The following PPP1R9A variants were observed in gnomAD, a reference collection of about 807,000 sequenced individuals.
The protein encoded by PPP1R9A is neurabin-1.
A neutral mutation model predicts 141.9 loss-of-function variants in PPP1R9A; 59 were observed. The observed-to-expected ratio is 0.42, with a 90% CI of 0.34 to 0.52. PPP1R9A has a LOEUF of 0.52. Among genes scored for constraint, PPP1R9A ranks in the 20% least tolerant of loss-of-function variants. The pLI is 0.10. For missense variants in PPP1R9A, 1,444 were observed against 1,611.9 expected, an observed-to-expected ratio of 0.90 and a Z score of 1.78; for synonymous variants, 500 against 569.7, an observed-to-expected ratio of 0.88 and a Z score of 1.74.
At chr7:95,002,748 T>C (rs1293789781) in intron 2 of PPP1R9A, among the ~76,000 whole-genome samples, 1 of 152,192 alleles carries the variant, frequency 6.6e-6, no homozygotes, top group African/African-American at 2.4e-5. Context: ...GATTAGTTAA[T>C]TGGATGGCAC....
chr7:95,067,991 ACT>A (rs1432090843), intron 2 of PPP1R9A, among the ~76,000 whole-genome samples: 2 of 136,194 alleles, frequency 1.5e-5, no homozygotes, highest in Non-Finnish European at 2.9e-5. Context: ...CCCTTCACTG[ACT>A]CTCTTTTCGG....
intron 2 of PPP1R9A, among the ~76,000 whole-genome samples, chr7:95,050,666 C>T (rs1162860897): frequency 6.6e-6 from 1 of 152,118 alleles, no homozygotes; most frequent in African/African-American, 2.4e-5. Flanking sequence ...GTGGAGGTTG[C>T]AGTGAGCCAA....
chr7:95,159,039 T>C (rs2152700455), intron 4 of PPP1R9A, among the ~76,000 whole-genome samples: 1 of 152,346 alleles, frequency 6.6e-6, no homozygotes, highest in African/African-American at 2.4e-5. Flanking sequence ...TTTCTGGGTA[T>C]ATATCCTGGA....
In PPP1R9A at chr7:95,129,183, C is replaced by T. The variant is rs570757534; in HGVS notation, c.1649+8351C>T. On this transcript the variant is annotated intron_variant, in intron 4 of 19. Coordinates refer to ENST00000433360, the MANE Select transcript of PPP1R9A (RefSeq NM_001166160.2). Reference sequence around the variant, plus strand: ...GTAGGTGATAGAGTTTGGCTGTGTCCCCACCCAAATCTCATCTTGAATTGT... The same window carrying T: ...GTAGGTGATAGAGTTTGGCTGTGTCTCCACCCAAATCTCATCTTGAATTGT... Among the ~76,000 whole-genome samples, 4 of 152,100 alleles carry T rather than the reference C, an allele frequency of 2.6e-5. No individual in the cohort carries two copies. The South Asian group carries it at 8.3e-4, about 32-fold the overall frequency.
At chr7:95,109,855 A>C (rs1820238671) in intron 2 of PPP1R9A, among the ~76,000 whole-genome samples, 1 of 151,736 alleles carries the variant, frequency 6.6e-6, no homozygotes, top group South Asian at 2.1e-4. Flanking sequence ...AAAAAAGAAG[A>C]AGAAAAGAAA....
intron 19 of PPP1R9A, among the ~76,000 whole-genome samples, chr7:95,289,776 G>A (rs532340190): frequency 5.9e-5 from 9 of 152,206 alleles, no homozygotes; most frequent in East Asian, 3.9e-4. Flanking sequence ...ACCTTTACCC[G>A]TAAATGCCTA....
At chr7:95,157,566 C>T (rs113739593) in intron 4 of PPP1R9A, among the ~76,000 whole-genome samples, 216 of 152,300 alleles carry the variant, frequency 1.4e-3, no homozygotes, top group African/African-American at 5.0e-3. Flanking sequence ...CATGTATCCT[C>T]GGCAGCACCT....
chr7:95,052,092 G>A (rs1479483327), intron 2 of PPP1R9A, among the ~76,000 whole-genome samples: 4 of 152,022 alleles, frequency 2.6e-5, no homozygotes, highest in South Asian at 4.2e-4. Flanking sequence ...CACCTGTCTC[G>A]GCCTCCCAAA....
chr7:95,280,822 CGAG>C (rs1416951309), intron 16 of PPP1R9A, among the ~76,000 whole-genome samples: 2 of 151,136 alleles, frequency 1.3e-5, no homozygotes, highest in African/African-American at 4.9e-5. Context: ...AAGGAAGGAA[CGAG>C]GAGGAGAAGA....
At chr7:94,936,078 C>G (rs540152892) in intron 2 of PPP1R9A, among the ~76,000 whole-genome samples, 2 of 152,254 alleles carry the variant, frequency 1.3e-5, no homozygotes, top group South Asian at 4.1e-4. Flanking sequence ...GTAATCAAGT[C>G]TAAATTAAAG....
intron 2 of PPP1R9A, among the ~76,000 whole-genome samples, chr7:95,043,535 C>T (rs1163251775): frequency 6.6e-6 from 1 of 152,136 alleles, no homozygotes; most frequent in African/African-American, 2.4e-5. Context: ...GCACAGTGAT[C>T]TCGACCTACT....
At chr7:95,130,744 G>A (rs548188477) in intron 4 of PPP1R9A, among the ~76,000 whole-genome samples, 3 of 152,212 alleles carry the variant, frequency 2.0e-5, no homozygotes, top group Admixed American at 6.5e-5. Context: ...TGACCTGGAT[G>A]TGAGACATGG....
rs989697109 is a variant in PPP1R9A, at chr7:95,068,530, A to G, written c.1396-42729A>G. ...AACACAAAAAGCAAAAGTGACATTC[A>G]TCTTAACTTCCAAATAGCCTGGGTT... is the stretch of plus-strand genomic sequence containing the variant. On this transcript the variant is annotated intron_variant, in intron 2 of 19. Coordinates refer to ENST00000433360, the MANE Select transcript of PPP1R9A (RefSeq NM_001166160.2). 6.1e-4 allele frequency among the ~76,000 whole-genome samples: 93 copies of G among 151,452 alleles called. 1 individual carries two copies. Among genetic ancestry groups the G allele is most frequent in the African/African-American group, 2.2e-3 (90 of 41,292 alleles).
intron 2 of PPP1R9A, among the ~76,000 whole-genome samples, chr7:95,106,686 A>G (rs1165245446): frequency 6.6e-6 from 1 of 152,214 alleles, no homozygotes; most frequent in Non-Finnish European, 1.5e-5. Context: ...CTTAAATGTG[A>G]CATGATTATG....
intron 2 of PPP1R9A, among the ~76,000 whole-genome samples, chr7:94,979,044 G>T (rs573243641): frequency 6.6e-6 from 1 of 152,070 alleles, no homozygotes; most frequent in African/African-American, 2.4e-5. Context: ...TGATTCCTCC[G>T]CCTTGGCCCC....
At chr7:95,285,061 G>A (rs995418834) in intron 17 of PPP1R9A, among the ~76,000 whole-genome samples, 2 of 152,178 alleles carry the variant, frequency 1.3e-5, no homozygotes, top group Admixed American at 6.5e-5. Flanking sequence ...ATGTCCTGCT[G>A]CTTAAATGTT....
At chr7:95,015,466 A>C (rs1584280081) in intron 2 of PPP1R9A, among the ~76,000 whole-genome samples, 1 of 152,248 alleles carries the variant, frequency 6.6e-6, no homozygotes, top group South Asian at 2.1e-4. Flanking sequence ...GATAGGCTTA[A>C]TAATAGAATG....
chr7:95,156,987 G>C (rs1044975654), intron 4 of PPP1R9A: 1 of 152,312 alleles, frequency 6.6e-6, no homozygotes, highest in Non-Finnish European at 1.5e-5. Context: ...TCAGTCCATG[G>C]GCAGCCATGG....
chr7:95,162,066 C>A, intron 5 of PPP1R9A, 95 bp downstream of exon 5: 2 of 682,238 alleles, frequency 2.9e-6, no homozygotes, highest in Non-Finnish European at 2.3e-6. Flanking sequence ...ATTACAATGA[C>A]AATTTTACCT....
Sources: gnomAD v4.1 joint callset for allele counts (sites outside exome capture counted in the v4.1 genomes callset) on GRCh38, gnomAD v4.1.1 for gene constraint, MANE v1.5 for transcripts, NCBI Gene and HGNC (gene_info 2026-07-23, HGNC 2026-07-21) for gene names.